ZNF30: variants seen among roughly 807,000 people sequenced by gnomAD.
ZNF30 encodes zinc finger protein 30 (KOX 28).
Under a neutral mutation model 13.2 loss-of-function variants are expected in ZNF30, and 15 were observed. The ratio of observed to expected loss-of-function variants is 1.13; its 90% CI spans 0.76 to 1.75. The LOEUF is 1.75. ZNF30 is among the 40% of genes most tolerant of loss of function. ZNF30 has a pLI of 0.00. For missense variants in ZNF30, 726 were observed against 757.0 expected, an observed-to-expected ratio of 0.96 and a Z score of 0.48; for synonymous variants, 223 against 256.6, an observed-to-expected ratio of 0.87 and a Z score of 1.25.
chr19:34,935,524 T>C (rs1206723386), intron 4 of ZNF30, among the ~76,000 whole-genome samples: 1 of 152,110 alleles, frequency 6.6e-6, no homozygotes, highest in African/African-American at 2.4e-5. Context: ...TATGGACACC[T>C]GGTTATTTTG....
chr19:34,925,607 T>TGGG (rs1418529122), upstream of ZNF30, among the ~76,000 whole-genome samples: 2 of 151,878 alleles, frequency 1.3e-5, no homozygotes, highest in African/African-American at 4.8e-5. Flanking sequence ...GGGAACAGGA[T>TGGG]GGGGGCGTGG....
At chr19:34,929,122 A>T (rs1372796785) in intron 1 of ZNF30, among the ~76,000 whole-genome samples, 1 of 152,162 alleles carries the variant, frequency 6.6e-6, no homozygotes, top group Admixed American at 6.5e-5. Context: ...CTCTACTAAA[A>T]ATACAAAACT....
At position 34,943,583 on chromosome 19, in the gene ZNF30, G is replaced by C; in HGVS notation, c.617G>C (p.Cys206Ser). Residue 206 changes from cysteine to serine, a missense_variant, in exon 5 of 5, where the codon TGT becomes TCT. Cys to Ser is a moderately radical substitution (Grantham distance 112). Transcript: ENST00000601142. ...CACACTGGTGAGAAGCCACTCAAAT[G>C]TAAGCAATGTGGAAAGACTATTAGT... ...RIHTGEKPLKCKQCGKTISGS... is the reference protein window; with the variant it reads ...RIHTGEKPLKSKQCGKTISGS... 1 of 1,613,734 alleles carries C rather than the reference G, an allele frequency of 6.2e-7. No individual in the cohort carries two copies. Among genetic ancestry groups the C allele is most frequent in the Non-Finnish European group, 8.5e-7 (1 of 1,179,828 alleles).
chr19:34,939,521 C>G (rs2012930408), intron 4 of ZNF30, among the ~76,000 whole-genome samples: 1 of 152,112 alleles, frequency 6.6e-6, no homozygotes, highest in Non-Finnish European at 1.5e-5. Context: ...ACCATGTTGG[C>G]CAGGCTGGTC....
chr19:34,944,955 C>A lies in ZNF30; in HGVS notation c.*117C>A. 2.2e-6 allele frequency: 2 copies of A among 927,012 alleles called. No individual in the cohort carries two copies. Among genetic ancestry groups the A allele is most frequent in the Non-Finnish European group, 3.1e-6 (2 of 651,010 alleles). 57.4% of individuals were successfully genotyped at this position (927,012 alleles called of 1,614,324 possible). A position where few individuals can be genotyped will look rare whatever the true frequency, so the allele number is the denominator to read the frequency against. ...AGAATATTGGCAGGTCTATTCTCAT[C>A]TTATAATTCATAATATAACTCAGAA... On this transcript the variant is annotated 3_prime_UTR_variant, in exon 5 of 5. Coordinates refer to ENST00000601142, the MANE Select transcript of ZNF30 (RefSeq NM_194325.3).
At chr19:34,930,758 G>A (rs1258418812) in intron 2 of ZNF30, among the ~76,000 whole-genome samples, 1 of 152,018 alleles carries the variant, frequency 6.6e-6, no homozygotes, top group Non-Finnish European at 1.5e-5. Context: ...AACTACTTGG[G>A]ACCCTCAGAC....
chr19:34,939,264 C>T (rs1050673987), intron 4 of ZNF30, among the ~76,000 whole-genome samples: 14 of 151,696 alleles, frequency 9.2e-5, no homozygotes, highest in East Asian at 1.9e-4. Flanking sequence ...TCGCTGCAAC[C>T]TCCGCCTCCC....
intron 4 of ZNF30, among the ~76,000 whole-genome samples, chr19:34,939,295 C>T (rs1237084118): frequency 6.6e-6 from 1 of 152,020 alleles, no homozygotes; most frequent in South Asian, 2.1e-4. Flanking sequence ...AATTCTCCTG[C>T]CTTAGCCTCC....
chr19:34,936,421 A>C (rs1039466065), intron 4 of ZNF30, among the ~76,000 whole-genome samples: 6 of 152,174 alleles, frequency 3.9e-5, no homozygotes, highest in Admixed American at 1.3e-4. Flanking sequence ...TGAGCAGCCG[A>C]ATGGTGGTAC....
intron 4 of ZNF30, among the ~76,000 whole-genome samples, chr19:34,938,794 G>A (rs7253720): frequency 0.01 from 1,573 of 152,238 alleles, 31 homozygotes; most frequent in African/African-American, 0.036. Flanking sequence ...ACCCCAGCTT[G>A]CCAGCGGGGC....
At chr19:34,935,700 G>GTTTTTTTTTTTTTT (rs142285130) in intron 4 of ZNF30, among the ~76,000 whole-genome samples, 1 of 84,222 alleles carries the variant, frequency 1.2e-5, no homozygotes, top group African/African-American at 5.2e-5. Context: ...GTTGTCTATA[G>GTTTTTTTTTTTTTT]TTTTTTTTTT....
At chr19:34,930,840 G>A (rs568302607) in intron 2 of ZNF30, among the ~76,000 whole-genome samples, 138 of 152,016 alleles carry the variant, frequency 9.1e-4, no homozygotes, top group Admixed American at 1.9e-3. Flanking sequence ...TACAGACTGG[G>A]CAACACAGTG....
chr19:34,935,267 A>G (rs2012668267), intron 4 of ZNF30, among the ~76,000 whole-genome samples: 1 of 152,158 alleles, frequency 6.6e-6, no homozygotes, highest in African/African-American at 2.4e-5. Context: ...TTTTTATAAA[A>G]TAACGTCAGG....
chr19:34,926,128 A>G (rs997292612), upstream of ZNF30, among the ~76,000 whole-genome samples: 1 of 152,192 alleles, frequency 6.6e-6, no homozygotes, highest in African/African-American at 2.4e-5. Flanking sequence ...AAGCCGAGAT[A>G]GCGCCACTGC....
chr19:34,928,220 A>ATATATAT (rs1555778255), intron 1 of ZNF30, among the ~76,000 whole-genome samples: 6 of 73,396 alleles, frequency 8.2e-5, no homozygotes, highest in Non-Finnish European at 1.3e-4. Flanking sequence ...AAAAAAAAAA[A>ATATATAT]ATATATATAT....
chr19:34,940,187 A>G (rs986249135), intron 4 of ZNF30, among the ~76,000 whole-genome samples: 2 of 152,194 alleles, frequency 1.3e-5, no homozygotes, highest in African/African-American at 4.8e-5. Flanking sequence ...TGCTGGTCTC[A>G]GTTTTCTTTA....
At chr19:34,940,667 C>CAAAAAAAAAAAAAAAAAAAAAAAAA (rs59553578) in intron 4 of ZNF30, among the ~76,000 whole-genome samples, 1 of 63,946 alleles carries the variant, frequency 1.6e-5, no homozygotes, top group Non-Finnish European at 3.3e-5. Context: ...GACTCCGTCT[C>CAAAAAAAAAAAAAAAAAAAAAAAAA]AAAAAAAAAA....
upstream of ZNF30, chr19:34,926,723 T>A (rs1021042006): frequency 2.6e-6 from 1 of 389,548 alleles, no homozygotes; most frequent in Admixed American, 4.5e-5. Context: ...TTTTGCTTTT[T>A]CTGACCTGGT....
At chr19:34,923,866 G>A (rs2151658331), upstream of ZNF30, 1 of 152,298 alleles carries the variant, frequency 6.6e-6, no homozygotes, top group African/African-American at 2.4e-5. Flanking sequence ...TTTGGTAAGT[G>A]GTTATTCTTT....
Sources: gnomAD v4.1 joint callset for allele counts (sites outside exome capture counted in the v4.1 genomes callset) on GRCh38, gnomAD v4.1.1 for gene constraint, MANE v1.5 for transcripts, NCBI Gene and HGNC (gene_info 2026-07-23, HGNC 2026-07-21) for gene names.